Variants in SDK1 observed in about 807,000 individuals in gnomAD.
SDK1 encodes the protein sidekick cell adhesion molecule 1.
SDK1 carries 157 observed loss-of-function variants against 245.5 expected under a neutral mutation model. That is an observed-to-expected ratio of 0.64 (90% confidence interval 0.56 to 0.73). The LOEUF is 0.73. Ranked by LOEUF, SDK1 falls within the 30% of genes least tolerant of loss-of-function variation. SDK1 has a pLI of 0.00. For synonymous variants in SDK1, 1,647 were observed against 1,278.5 expected (o/e 1.29, Z -6.15); for missense variants, 3,583 against 3,002.3 (o/e 1.19, Z -4.52).
intron 1 of SDK1, among the ~76,000 whole-genome samples, chr7:3,485,938 C>A (rs926424070): frequency 6.6e-6 from 1 of 151,576 alleles, no homozygotes; most frequent in African/African-American, 2.4e-5. Flanking sequence ...TTGAAAAACT[C>A]TTCATTAAAA....
intron 40 of SDK1, among the ~76,000 whole-genome samples, chr7:4,226,664 C>A (rs574326853): frequency 6.2e-4 from 95 of 152,318 alleles, no homozygotes; most frequent in African/African-American, 2.1e-3. Flanking sequence ...CTGGCCCACA[C>A]GTTCCTTTCT....
chr7:4,051,488 T>C (rs1349463326), intron 18 of SDK1, 150 bp from the exon 19 acceptor site: 2 of 638,378 alleles, frequency 3.1e-6, no homozygotes, highest in Admixed American at 3.6e-5. Flanking sequence ...ATCTCAACTT[T>C]TTTCAAGCGT....
intron 1 of SDK1, among the ~76,000 whole-genome samples, chr7:3,469,150 C>G (rs1781104579): frequency 6.6e-6 from 1 of 151,898 alleles, no homozygotes; most frequent in African/African-American, 2.4e-5. Context: ...CAGAAATTCC[C>G]CAAAGGACAC....
chr7:3,606,525 C>T (rs980630479), intron 1 of SDK1, among the ~76,000 whole-genome samples: 2 of 152,126 alleles, frequency 1.3e-5, no homozygotes. Context: ...TCTGTCATCC[C>T]CCGCACTCAC....
chr7:4,256,907 G>GA (rs1407822036), intron 44 of SDK1, among the ~76,000 whole-genome samples: 1 of 152,190 alleles, frequency 6.6e-6, no homozygotes, highest in Non-Finnish European at 1.5e-5. Flanking sequence ...TTGCTAAAGT[G>GA]AAAATTCTGC....
At chr7:3,781,184 T>C (rs1306195251) in intron 4 of SDK1, among the ~76,000 whole-genome samples, 6 of 152,048 alleles carry the variant, frequency 3.9e-5, no homozygotes, top group African/African-American at 1.4e-4. Flanking sequence ...GAGAACAGCC[T>C]ATAGCCCTGC....
intron 1 of SDK1, among the ~76,000 whole-genome samples, chr7:3,484,356 G>A (rs73038557): frequency 0.083 from 12,662 of 152,096 alleles, 701 homozygotes; most frequent in African/African-American, 0.15. Flanking sequence ...ACATATATGG[G>A]GGCTGACTTG....
chr7:3,450,687 C>T (rs1780487674), intron 1 of SDK1, among the ~76,000 whole-genome samples: 1 of 152,056 alleles, frequency 6.6e-6, no homozygotes. Context: ...TATTGGTTGG[C>T]TGAATAGATC....
rs746603095 is a variant in SDK1, at chr7:4,114,225, C to A, written c.3774C>A (p.Val1258=). 3.7e-6 allele frequency: 6 copies of A among 1,612,946 alleles called. No individual in the cohort carries two copies. The East Asian group carries it at 1.3e-4, about 36-fold the overall frequency. The change falls in exon 25 of 45, where the codon GTC becomes GTA. Residue 1258 remains valine, a synonymous_variant. Coordinates refer to ENST00000404826, the MANE Select transcript of SDK1 (RefSeq NM_152744.4). ...TGCAGATGCAGGCCTTCAACGCCGTCGGGGCTGGGCCGTGGAGCGAGGTGG... is the reference window on the plus strand; with the variant it reads ...TGCAGATGCAGGCCTTCAACGCCGTAGGGGCTGGGCCGTGGAGCGAGGTGG... ...YELQMQAFNA[V]GAGPWSEVVR...
chr7:3,690,986 A>C lies in SDK1; in HGVS notation c.713+48881A>C, dbSNP rs1282643741. 5.9e-5 allele frequency among the ~76,000 whole-genome samples: 9 copies of C among 152,318 alleles called. 2 individuals carry two copies. In the South Asian group the frequency reaches 1.9e-3, roughly 32 times the overall value. Reference sequence around the variant, plus strand: ...TGTGACCTTCTAGAATTACTCAAAGACAGTGTGTTTGCCCTCACTGGTTGA... The same window carrying C: ...TGTGACCTTCTAGAATTACTCAAAGCCAGTGTGTTTGCCCTCACTGGTTGA... On this transcript the variant is annotated intron_variant, in intron 4 of 44. Transcript: ENST00000404826.
At chr7:3,305,326 CTTTTTTTATT>C (rs1437622469) in intron 1 of SDK1, among the ~76,000 whole-genome samples, 1 of 152,122 alleles carries the variant, frequency 6.6e-6, no homozygotes, top group African/African-American at 2.4e-5. Flanking sequence ...GTTTGTGTTA[CTTTTTTTATT>C]TTTTATTTTT....
chr7:3,678,342 C>T (rs1327153869), intron 4 of SDK1, among the ~76,000 whole-genome samples: 1 of 152,154 alleles, frequency 6.6e-6, no homozygotes, highest in Non-Finnish European at 1.5e-5. Context: ...GCATTATTCA[C>T]AACAGCAAAA....
intron 1 of SDK1, among the ~76,000 whole-genome samples, chr7:3,398,410 T>G (rs577904838): frequency 1.3e-5 from 2 of 152,176 alleles, no homozygotes; most frequent in South Asian, 4.1e-4. Context: ...CAGAAGAGTT[T>G]CTTAGCATTT....
rs144788526 is a variant in SDK1 at position 3,508,553 on chromosome 7, C to G, written c.299-110527C>G. Among the ~76,000 whole-genome samples the G allele has an allele frequency of 4.3e-3, 659 of 152,170 alleles. 8 individuals are homozygous for G. Among genetic ancestry groups the G allele is most frequent in the African/African-American group, 0.015 (622 of 41,524 alleles). The stretch of plus-strand genomic sequence containing the variant: ...ATGTTGGCCAGGCTGGTCTCGAACT[C>G]CTGACCTCAAATGATATACCCGCCT... On this transcript the variant is annotated intron_variant, in intron 1 of 44. Coordinates refer to ENST00000404826, the MANE Select transcript of SDK1 (RefSeq NM_152744.4).
chr7:4,185,330 G>A (rs192566397), intron 35 of SDK1, among the ~76,000 whole-genome samples: 25 of 152,274 alleles, frequency 1.6e-4, no homozygotes, highest in East Asian at 7.7e-4. Flanking sequence ...ATTCCACAGC[G>A]TTCCGGGCAC....
intron 1 of SDK1, among the ~76,000 whole-genome samples, chr7:3,478,290 T>C (rs1341098696): frequency 6.6e-6 from 1 of 152,120 alleles, no homozygotes; most frequent in Non-Finnish European, 1.5e-5. Context: ...ATAAATTTTA[T>C]AAATGATGAG....
rs1001160006 is a variant in SDK1 at position 3,302,850 on chromosome 7, A to T, written c.298+966A>T. 2.6e-5 allele frequency among the ~76,000 whole-genome samples: 4 copies of T among 152,192 alleles called. No homozygotes were observed. The East Asian group carries it at 7.7e-4, about 29-fold the overall frequency. On this transcript the variant is annotated intron_variant, in intron 1 of 44. Transcript: ENST00000404826. ...CAGCTAACGAACAATCATGGTAAGG[A>T]ACTCGATATTCTGAGATTGGCGAAG...
intron 35 of SDK1, among the ~76,000 whole-genome samples, chr7:4,200,650 A>C (rs1399931236): frequency 6.6e-6 from 1 of 152,198 alleles, no homozygotes; most frequent in African/African-American, 2.4e-5. Context: ...CTCTCACAAC[A>C]TGGCAGCTGG....
intron 1 of SDK1, among the ~76,000 whole-genome samples, chr7:3,305,663 A>G (rs1562402282): frequency 6.6e-6 from 1 of 152,206 alleles, no homozygotes; most frequent in Non-Finnish European, 1.5e-5. Flanking sequence ...TATCATCTTA[A>G]TAAAGAGTCT....
Sources: gnomAD v4.1 joint callset for allele counts (sites outside exome capture counted in the v4.1 genomes callset) on GRCh38, gnomAD v4.1.1 for gene constraint, MANE v1.5 for transcripts, NCBI Gene and HGNC (gene_info 2026-07-23, HGNC 2026-07-21) for gene names.